The following LARGE1 variants were observed in gnomAD, a reference collection of about 807,000 sequenced individuals.
LARGE1 encodes the protein LARGE xylosyl- and glucuronyltransferase 1.
In LARGE1, 43 loss-of-function variants were observed where a neutral mutation model predicts 87.6. The observed-to-expected ratio is 0.49, with a 90% CI of 0.38 to 0.63. The LOEUF is 0.63. Among genes scored for constraint, LARGE1 ranks in the 30% least tolerant of loss-of-function variants. The probability of loss-of-function intolerance (pLI) is 0.00; values close to 1 mark genes in which losing one functional copy is unlikely to be tolerated. For synonymous variants in LARGE1, 434 were observed against 394.6 expected (o/e 1.10, Z -1.18); for missense variants, 802 against 1,000.2 (o/e 0.80, Z 2.67).
chr22:33,136,686 G>A, the LARGE1 span, among the ~76,000 whole-genome samples: 1 of 152,172 alleles, frequency 6.6e-6, no homozygotes, highest in East Asian at 1.9e-4. Flanking sequence ...TAAATCCTGG[G>A]AACTTGGGAA....
Position 33,568,923 on chromosome 22 carries a change from G to A in LARGE1, c.616-3904C>T, listed in dbSNP as rs890050388. ...GCAGGCATAGGAAGGCGGGCGATTTGTCTACAATCCCACAGCCAGCAAGAT... is the reference window on the plus strand; with the variant it reads ...GCAGGCATAGGAAGGCGGGCGATTTATCTACAATCCCACAGCCAGCAAGAT... On this transcript the variant is annotated intron_variant, in intron 5 of 14. Coordinates refer to ENST00000397394, the MANE Select transcript of LARGE1 (RefSeq NM_133642.5). Among the ~76,000 whole-genome samples, 8 of 152,268 alleles carry A rather than the reference G, an allele frequency of 5.3e-5. No individual in the cohort carries two copies. In the East Asian group the frequency reaches 1.5e-3, roughly 29 times the overall value.
At chr22:33,158,662 T>A (rs1921936525), downstream of LARGE1, among the ~76,000 whole-genome samples, 1 of 152,192 alleles carries the variant, frequency 6.6e-6, no homozygotes, top group Non-Finnish European at 1.5e-5. Flanking sequence ...TGTTAACTGA[T>A]AAAGAATTGA....
At chr22:33,241,606 ATATG>A (rs1031450911) in intron 11 of LARGE1, among the ~76,000 whole-genome samples, 11 of 151,940 alleles carry the variant, frequency 7.2e-5, no homozygotes, top group East Asian at 1.9e-4. Flanking sequence ...ATGTACATAT[ATATG>A]TATCTATGTA....
chr22:33,561,856 A>T (rs959015018), intron 6 of LARGE1, among the ~76,000 whole-genome samples: 1 of 152,202 alleles, frequency 6.6e-6, no homozygotes, highest in Non-Finnish European at 1.5e-5. Context: ...GTAGAGGCTG[A>T]GGATGGGTCT....
At chr22:33,223,148 C>T (rs984141461) in intron 11 of LARGE1, among the ~76,000 whole-genome samples, 5 of 152,190 alleles carry the variant, frequency 3.3e-5, no homozygotes, top group Admixed American at 6.5e-5. Context: ...TTCATAATAA[C>T]GGTGATAGTT....
rs738987 is a variant in LARGE1 at position 33,892,989 on chromosome 22, G to C, written c.-83+27006C>G. ...GGATTAAAAAGGGAGAAGGTGAATA[G>C]GTGACTTTGAATCCAACCTACAGTG... On this transcript the variant is annotated intron_variant, in intron 1 of 14. Coordinates refer to ENST00000397394, the MANE Select transcript of LARGE1 (RefSeq NM_133642.5). Among the ~76,000 whole-genome samples the C allele has an allele frequency of 3.8e-3, 575 of 152,188 alleles. 3 individuals are homozygous for C. The highest frequency in any genetic ancestry group is 0.013 in the African/African-American group (548 of 41,520).
chr22:33,337,555 T>C, intron 10 of LARGE1, 91 bp downstream of exon 10: 2 of 1,484,182 alleles, frequency 1.3e-6, no homozygotes, highest in Non-Finnish European at 9.3e-7. Flanking sequence ...GGTCCTGCCA[T>C]GAGCCTGACA....
intron 11 of LARGE1, among the ~76,000 whole-genome samples, chr22:33,240,644 T>A: frequency 6.6e-6 from 1 of 152,236 alleles, no homozygotes; most frequent in Non-Finnish European, 1.5e-5. Context: ...CTTTGCTTTT[T>A]AAAAATTTTG....
At chr22:33,462,450 GA>G (rs958963390) in intron 6 of LARGE1, among the ~76,000 whole-genome samples, 28 of 150,588 alleles carry the variant, frequency 1.9e-4, no homozygotes, top group African/African-American at 5.8e-4. Flanking sequence ...AGAATAGTGA[GA>G]AAAAAAAACA....
In LARGE1 at chr22:33,764,733, G is replaced by A. The variant is rs1305321483; in HGVS notation, c.-82-3175C>T. Among the ~76,000 whole-genome samples, 5 of 152,170 alleles carry A rather than the reference G, an allele frequency of 3.3e-5. No individual in the cohort carries two copies. The East Asian group carries it at 9.7e-4, about 29-fold the overall frequency. Reference sequence around the variant, plus strand: ...GATTGTGCCACCGCACTCCAGCCTGGGCAACACAGCAAGACTCCATCTCAA... The same window carrying A: ...GATTGTGCCACCGCACTCCAGCCTGAGCAACACAGCAAGACTCCATCTCAA... On this transcript the variant is annotated intron_variant, in intron 1 of 14. Transcript: ENST00000397394.
At chr22:33,361,687 T>C (rs1346922995) in intron 9 of LARGE1, among the ~76,000 whole-genome samples, 5 of 147,636 alleles carry the variant, frequency 3.4e-5, no homozygotes, top group Admixed American at 2.7e-4. Context: ...CTGAATTCCT[T>C]GAGATTCAGA....
At chr22:33,140,772 GT>G in the LARGE1 span, among the ~76,000 whole-genome samples, 4 of 152,104 alleles carry the variant, frequency 2.6e-5, no homozygotes, top group African/African-American at 9.7e-5. Flanking sequence ...TACTTTTGAG[GT>G]TTTGGGACTC....
intron 6 of LARGE1, 30 bp from the exon 7 acceptor site, chr22:33,432,295 A>C: frequency 1.9e-6 from 3 of 1,563,516 alleles, no homozygotes; most frequent in Non-Finnish European, 2.6e-6. Flanking sequence ...CAAACATCTT[A>C]AAAGGAGAAG....
downstream of LARGE1, among the ~76,000 whole-genome samples, chr22:33,270,311 T>TA (rs11444755): frequency 0.46 from 69,828 of 151,656 alleles, 17,169 homozygotes; most frequent in African/African-American, 0.61. Context: ...CCCTTAGGGT[T>TA]AAAAAAAATG....
chr22:33,447,466 A>G (rs16992351), intron 6 of LARGE1, among the ~76,000 whole-genome samples: 4,143 of 152,214 alleles, frequency 0.027, 84 homozygotes, highest in East Asian at 0.11. Flanking sequence ...CTCCCCTGTG[A>G]TCCACATAAG....
At chr22:33,562,589 T>C (rs1440519180) in intron 6 of LARGE1, among the ~76,000 whole-genome samples, 1 of 152,248 alleles carries the variant, frequency 6.6e-6, no homozygotes, top group African/African-American at 2.4e-5. Flanking sequence ...CCCCAGGAGC[T>C]GCCTTGAATC....
At chr22:33,612,585 G>A (rs905676522) in intron 4 of LARGE1, among the ~76,000 whole-genome samples, 2 of 152,184 alleles carry the variant, frequency 1.3e-5, no homozygotes, top group Non-Finnish European at 2.9e-5. Context: ...GTACAGAGCA[G>A]GTCTGTGAAA....
chr22:33,493,154 CTTTTTTTTTTTTT>C lies in LARGE1; in HGVS notation c.788-60902_788-60890del, dbSNP rs750203810. Among the ~76,000 whole-genome samples the C allele has an allele frequency of 9.2e-5, 10 of 109,178 alleles. No individual in the cohort carries two copies. The Admixed American group carries it at 1.0e-3, about 11-fold the overall frequency. 71.6% of individuals were successfully genotyped at this position (109,178 alleles called of 152,430 possible). On this transcript the variant is annotated intron_variant, in intron 6 of 14. Coordinates refer to ENST00000397394, the MANE Select transcript of LARGE1 (RefSeq NM_133642.5). ...TGGATAGCTCTACAAGCATGGTGGC[CTTTTTTTTTTTTT>C]TTTTTTTTTTTGAGACATAGTCTTG...
chr22:33,304,548 T>C (rs1157012852), intron 11 of LARGE1, 41 bp from the exon 12 acceptor site: 5 of 1,525,248 alleles, frequency 3.3e-6, no homozygotes, highest in African/African-American at 1.4e-5. Context: ...ACCTGGGCCA[T>C]CCATGCATCA....
Sources: gnomAD v4.1 joint callset for allele counts (sites outside exome capture counted in the v4.1 genomes callset) on GRCh38, gnomAD v4.1.1 for gene constraint, MANE v1.5 for transcripts, NCBI Gene and HGNC (gene_info 2026-07-23, HGNC 2026-07-21) for gene names.